The following LYSMD4 variants were observed in gnomAD, a reference collection of about 807,000 sequenced individuals.
LYSMD4 encodes lysM and putative peptidoglycan-binding domain-containing protein 4.
In LYSMD4, 9 loss-of-function variants were observed where a neutral mutation model predicts 6.1. The ratio of observed to expected loss-of-function variants is 1.47; its 90% CI spans 0.88 to 2.56. The LOEUF (loss-of-function observed/expected upper bound fraction) is 2.56. Among genes scored for constraint, LYSMD4 ranks in the 30% most tolerant of loss-of-function variants. The pLI is 0.00. For missense variants in LYSMD4, 384 were observed against 373.5 expected (o/e 1.03, Z -0.23); for synonymous variants, 143 against 148.5 (o/e 0.96, Z 0.27).
upstream of LYSMD4, among the ~76,000 whole-genome samples, chr15:99,718,084 C>T (rs537463057): frequency 5.3e-5 from 8 of 152,246 alleles, no homozygotes; most frequent in African/African-American, 1.9e-4. Flanking sequence ...CCCATTTTTT[C>T]CACTCATGCC....
downstream of LYSMD4, among the ~76,000 whole-genome samples, chr15:99,725,962 G>A (rs2059276379): frequency 6.6e-6 from 1 of 152,102 alleles, no homozygotes; most frequent in Non-Finnish European, 1.5e-5. Context: ...GTCGTAGGGA[G>A]GTAGTGAGGG....
At chr15:99,720,115 G>T (rs940151274), upstream of LYSMD4, among the ~76,000 whole-genome samples, 2 of 152,110 alleles carry the variant, frequency 1.3e-5, no homozygotes, top group African/African-American at 4.8e-5. Flanking sequence ...TGGTACTTTA[G>T]TCACGCAAAA....
chr15:99,731,810 G>A lies in LYSMD4; in HGVS notation c.190C>T (p.Pro64Ser). The change falls in exon 2 of 3, where the codon CCC becomes TCC. Residue 64 changes from proline (P) to serine (S), a missense_variant. By Grantham distance (74) the Pro-to-Ser change is moderately conservative. Coordinates refer to ENST00000684762, the MANE Select transcript of LYSMD4 (RefSeq NM_001284417.2). The stretch of plus-strand genomic sequence containing the variant: ...ACCACGTCACCTGCTCCCGCCTGGG[G>A]AGGCTGGTGGACACCGCTCTTGTGG... Reference protein sequence around the residue: ...ERHKSGVHQPPQAGAGDVVLL... With the variant: ...ERHKSGVHQPSQAGAGDVVLL... 6.2e-7 allele frequency: 1 copy of A among 1,612,590 alleles called. No individual in the cohort carries two copies. Among genetic ancestry groups the A allele is most frequent in the Non-Finnish European group, 8.5e-7 (1 of 1,180,022 alleles).
chr15:99,732,112 G>C (rs2059433622), intron 1 of LYSMD4, 105 bp from the exon 2 acceptor site: 1 of 1,224,974 alleles, frequency 8.2e-7, no homozygotes, highest in East Asian at 2.6e-5. Flanking sequence ...TTTCCTAATC[G>C]CTGCAAATAC....
In LYSMD4 at chr15:99,729,461, T is replaced by C. The variant is rs924323404; in HGVS notation, c.553A>G (p.Ile185Val). 2.3e-5 allele frequency: 37 copies of C among 1,614,034 alleles called. No individual in the cohort carries two copies. The highest frequency in any genetic ancestry group is 3.0e-5 in the Non-Finnish European group (35 of 1,180,034). ...QDIERAVQSE[I>V]FLHESYCMDT... ...ATGCAGTAACTTTCATGTAGAAAGA[T>C]TTCTGACTGCACTGCACGCTCAATA... The change falls in exon 3 of 3, where the codon ATC (isoleucine) becomes GTC (valine). Residue 185 changes from isoleucine (I) to valine (V), a missense_variant. Ile to Val is a conservative substitution (Grantham distance 29). Coordinates refer to ENST00000684762, the MANE Select transcript of LYSMD4 (RefSeq NM_001284417.2).
At chr15:99,730,047 TG>T (rs1287576497) in intron 2 of LYSMD4, among the ~76,000 whole-genome samples, 5 of 152,276 alleles carry the variant, frequency 3.3e-5, no homozygotes, top group African/African-American at 1.2e-4. Flanking sequence ...CAAATCGCTT[TG>T]GGCGAAACCA....
In LYSMD4 at chr15:99,733,371, GGCGACCGGCGACTC is replaced by G. The variant is rs2141151346; in HGVS notation, c.-49_-36del. The G allele has an allele frequency of 2.5e-6, 1 of 395,062 alleles. No homozygotes were observed. The highest frequency in any genetic ancestry group is 3.6e-5 in the East Asian group (1 of 27,852). 24.5% of individuals were successfully genotyped at this position (395,062 alleles called of 1,614,324 possible). ...TCAGCGCCCAGGCTCCGCCGCGACCGGCGACCGGCGACTCGCGACCCGCGACCCGCGACCCGCAG... is the reference window on the plus strand; with the variant it reads ...TCAGCGCCCAGGCTCCGCCGCGACCGGCGACCCGCGACCCGCGACCCGCAG... On this transcript the variant is annotated 5_prime_UTR_variant, in exon 1 of 3. Coordinates refer to ENST00000684762, the MANE Select transcript of LYSMD4 (RefSeq NM_001284417.2).
downstream of LYSMD4, among the ~76,000 whole-genome samples, chr15:99,722,719 G>C (rs2059246556): frequency 6.6e-6 from 1 of 152,206 alleles, no homozygotes; most frequent in South Asian, 2.1e-4. Context: ...AGAACCTTTA[G>C]AGATTAAAAA....
intron 2 of LYSMD4, chr15:99,731,333 A>G: frequency 6.2e-7 from 1 of 1,607,770 alleles, no homozygotes. Flanking sequence ...CAGAAAAATA[A>G]GAGCAGCGAG....
downstream of LYSMD4, among the ~76,000 whole-genome samples, chr15:99,726,960 T>C (rs1338873938): frequency 6.6e-6 from 1 of 152,168 alleles, no homozygotes; most frequent in Admixed American, 6.5e-5. Flanking sequence ...TCGGGCACAG[T>C]ACAAGCCCCA....
At chr15:99,725,554 C>G (rs920085853), downstream of LYSMD4, among the ~76,000 whole-genome samples, 4 of 152,110 alleles carry the variant, frequency 2.6e-5, no homozygotes. Flanking sequence ...GTCTGATCAC[C>G]CCAACACAAG....
chr15:99,718,909 GCA>G (rs57143734), upstream of LYSMD4, among the ~76,000 whole-genome samples: 8,767 of 150,520 alleles, frequency 0.058, 562 homozygotes, highest in African/African-American at 0.15. Flanking sequence ...GTAGTTATGC[GCA>G]CACACACACA....
chr15:99,720,837 G>A (rs11634364), upstream of LYSMD4: 39,405 of 151,908 alleles, frequency 0.26, 5,192 homozygotes, highest in East Asian at 0.36. Flanking sequence ...AGGGACCTTG[G>A]TGCCCTTATC....
chr15:99,733,371 GGCGACCGGCGACTCGCGACCC>G lies in LYSMD4; in HGVS notation c.-56_-36del, dbSNP rs1020981528. On this transcript the variant is annotated 5_prime_UTR_variant, in exon 1 of 3. Coordinates refer to ENST00000684762, the MANE Select transcript of LYSMD4 (RefSeq NM_001284417.2). ...TCAGCGCCCAGGCTCCGCCGCGACC[GGCGACCGGCGACTCGCGACCC>G]GCGACCCGCGACCCGCAGCTGCCAC... 4 of 395,062 alleles carry G rather than the reference GGCGACCGGCGACTCGCGACCC, an allele frequency of 1.0e-5. No homozygotes were observed. Among genetic ancestry groups the G allele is most frequent in the Admixed American group, 4.4e-5 (1 of 22,594 alleles). The allele number at this position is 395,062 out of a possible 1,614,324, so 24.5% of individuals were successfully genotyped here. A position where few individuals can be genotyped will look rare whatever the true frequency, so the allele number is the denominator to read the frequency against.
exon 1 of LYSMD4, chr15:99,716,923 A>T (rs763083168): frequency 3.9e-5 from 13 of 337,118 alleles, no homozygotes; most frequent in Non-Finnish European, 5.9e-5. Context: ...AGTTTTGCCC[A>T]AAATACATAC....
chr15:99,724,738 A>G (rs569524491), downstream of LYSMD4, among the ~76,000 whole-genome samples: 140 of 152,356 alleles, frequency 9.2e-4, no homozygotes, highest in Non-Finnish European at 1.8e-3. Flanking sequence ...ACAACAACCC[A>G]GTGTTTTCCA....
intron 2 of LYSMD4, 39 bp downstream of exon 2, chr15:99,731,679 T>G: frequency 6.5e-7 from 1 of 1,538,618 alleles, no homozygotes; most frequent in Non-Finnish European, 8.7e-7. Context: ...CCGTGTTCCT[T>G]GAAACGGAGC....
exon 1 of LYSMD4, chr15:99,717,270 A>G (rs1489956444): frequency 1.3e-5 from 2 of 152,354 alleles, no homozygotes; most frequent in Admixed American, 6.5e-5. Context: ...CTTAAAGTCA[A>G]TTCATTACAT....
chr15:99,716,574 T>C (rs1261994957), exon 1 of LYSMD4: 1 of 456,776 alleles, frequency 2.2e-6, no homozygotes, highest in East Asian at 6.9e-5. Flanking sequence ...CCTCTCCTTT[T>C]TCATTCCTTT....
Sources: gnomAD v4.1 joint callset for allele counts (sites outside exome capture counted in the v4.1 genomes callset) on GRCh38, gnomAD v4.1.1 for gene constraint, MANE v1.5 for transcripts, NCBI Gene and HGNC (gene_info 2026-07-23, HGNC 2026-07-21) for gene names.